Variants in ZNF574 observed in about 807,000 individuals in gnomAD.
ZNF574 encodes the protein zinc finger protein 574.
A neutral mutation model predicts 56.6 loss-of-function variants in ZNF574; 25 were observed. The observed-to-expected ratio is 0.44, with a 90% CI of 0.32 to 0.62. The LOEUF is 0.62. Ranked by LOEUF, ZNF574 falls within the 20% of genes least tolerant of loss-of-function variation. The pLI is 0.04. For synonymous variants in ZNF574, 543 were observed against 492.1 expected, an observed-to-expected ratio of 1.10 and a Z score of -1.37; for missense variants, 1,065 against 1,218.9, an observed-to-expected ratio of 0.87 and a Z score of 1.88.
rs777794460 is a variant in ZNF574, at chr19:42,081,204, C to T, written c.2598C>T (p.Ala866=). Residue 866 remains alanine, a synonymous_variant, in exon 2 of 2, where the codon GCC becomes GCT. Transcript: ENST00000359044. ...LAEAEAAVGL[A]VMETAVEALP... is the part of the protein sequence containing the mutation. ...AGGCGGAGGCTGCCGTTGGCCTGGCCGTCATGGAGACTGCTGTGGAGGCGC... is the reference window on the plus strand; with the variant it reads ...AGGCGGAGGCTGCCGTTGGCCTGGCTGTCATGGAGACTGCTGTGGAGGCGC... The T allele has an allele frequency of 4.3e-5, 69 of 1,614,100 alleles. No individual in the cohort carries two copies. Among genetic ancestry groups the T allele is most frequent in the Non-Finnish European group, 5.7e-5 (67 of 1,180,020 alleles).
Position 42,079,557 on chromosome 19 carries a change from CTT to C in ZNF574, c.953_954del (p.Phe318SerfsTer19), listed in dbSNP as rs2076481317. 6.2e-7 allele frequency: 1 copy of C among 1,614,006 alleles called. No individual in the cohort carries two copies. Among genetic ancestry groups the C allele is most frequent in the Non-Finnish European group, 8.5e-7 (1 of 1,180,032 alleles). The part of the protein sequence containing the change: ...ELFCSACDQL[F>X]LSPHQLQQHL... ...TCTTCTGCTCAGCCTGTGACCAGCT[CTT>C]TCTCTCACCCCACCAGCTACAGCAG... On this transcript the variant is annotated frameshift_variant, in exon 2 of 2. Transcript: ENST00000359044. LOFTEE classifies it high-confidence loss of function. This position sits in a 1 kb window ranked among gnomAD's most constrained non-coding sequence, Gnocchi z 4.3.
rs751372538 is a variant in ZNF574 at position 42,080,789 on chromosome 19, C to T, written c.2183C>T (p.Ser728Phe). The change falls in exon 2 of 2, where the codon TCC (serine) becomes TTC (phenylalanine). Residue 728 changes from serine (S) to phenylalanine (F), a missense_variant. Ser to Phe is a radical substitution (Grantham distance 155, BLOSUM62 -2). Transcript: ENST00000359044. The surrounding 1 kb of genome is among the most constrained non-coding windows in gnomAD (Gnocchi z 8.5). ...PAALGSTATASPAAPARRRGL... is the reference protein window; with the variant it reads ...PAALGSTATAFPAAPARRRGL... ...GCCCTTGGAAGCACTGCTACAGCAT[C>T]CCCTGCGGCCCCTGCCCGCCGCCGG... 1 of 1,614,040 alleles carries T rather than the reference C, an allele frequency of 6.2e-7. No individual in the cohort carries two copies. The highest frequency in any genetic ancestry group is 2.2e-5 in the East Asian group (1 of 44,882).
chr19:42,079,837 C>T lies in ZNF574; in HGVS notation c.1231C>T (p.Arg411Cys). Reference sequence around the variant, plus strand: ...CCTTACCAAGTTCCTTTATCACCGGCGTACTCATGGGGTAGGGGGTGTCCC... The same window carrying T: ...CCTTACCAAGTTCCTTTATCACCGGTGTACTCATGGGGTAGGGGGTGTCCC... ...VNLTKFLYHR[R>C]THGVGGVPLP... The change falls in exon 2 of 2, where the codon CGT (arginine) becomes TGT (cysteine). Residue 411 changes from arginine to cysteine, a missense_variant. Physicochemically the swap from Arg to Cys is radical, Grantham distance 180. Coordinates refer to ENST00000359044, the MANE Select transcript of ZNF574 (RefSeq NM_022752.6). The surrounding 1 kb of genome is among the most constrained non-coding windows in gnomAD (Gnocchi z 4.3). The T allele has an allele frequency of 4.3e-6, 7 of 1,614,154 alleles. No homozygotes were observed. Among genetic ancestry groups the T allele is most frequent in the Middle Eastern group, 1.6e-4 (1 of 6,062 alleles).
chr19:42,071,246 A>G (rs1005082755), upstream of ZNF574, among the ~76,000 whole-genome samples: 2 of 135,190 alleles, frequency 1.5e-5, no homozygotes, highest in Admixed American at 1.6e-4. Flanking sequence ...GGGATGGAAG[A>G]GAGAAGCGAC....
chr19:42,077,502 G>A (rs2076464236), intron 1 of ZNF574, among the ~76,000 whole-genome samples: 1 of 152,114 alleles, frequency 6.6e-6, no homozygotes, highest in African/African-American at 2.4e-5. Flanking sequence ...GATTTGAGGG[G>A]GGGCTCTGTT....
At position 42,079,296 on chromosome 19, in the gene ZNF574, G is replaced by A. The variant is rs1452903874; in HGVS notation, c.690G>A (p.Leu230=). ...TCTTCCAGCTGCCGGCGGATTTCCT[G>A]GAGCACCAGGCCACTCACTTCCCTG... The part of the protein sequence containing the change: ...SQLFQLPADF[L]EHQATHFPAP... The change falls in exon 2 of 2, where the codon CTG becomes CTA. Residue 230 remains leucine, a synonymous_variant. Transcript: ENST00000359044. This position sits in a 1 kb window ranked among gnomAD's most constrained non-coding sequence, Gnocchi z 4.3. 2 of 1,614,046 alleles carry A rather than the reference G, an allele frequency of 1.2e-6. No individual in the cohort carries two copies. Among genetic ancestry groups the A allele is most frequent in the African/African-American group, 1.3e-5 (1 of 75,066 alleles).
intron 1 of ZNF574, among the ~76,000 whole-genome samples, chr19:42,069,868 G>C (rs1403093157): frequency 6.6e-6 from 1 of 152,138 alleles, no homozygotes; most frequent in Non-Finnish European, 1.5e-5. Context: ...CCCGGGAGTG[G>C]AGAGCTGGGG....
In ZNF574 at chr19:42,079,569, C is replaced by G. The variant is rs778841816; in HGVS notation, c.963C>G (p.Pro321=). 1.2e-6 allele frequency: 2 copies of G among 1,614,134 alleles called. No individual in the cohort carries two copies. The highest frequency in any genetic ancestry group is 1.1e-5 in the South Asian group (1 of 91,086). The change falls in exon 2 of 2, where the codon CCC becomes CCG. Residue 321 remains proline, a synonymous_variant. Transcript: ENST00000359044. This position sits in a 1 kb window ranked among gnomAD's most constrained non-coding sequence, Gnocchi z 4.3. ...CCTGTGACCAGCTCTTTCTCTCACC[C>G]CACCAGCTACAGCAGCACCTGCGGA... The part of the protein sequence containing the change: ...CSACDQLFLS[P]HQLQQHLRSH...
Position 42,081,260 on chromosome 19 carries a change from C to T in ZNF574, c.2654C>T (p.Pro885Leu). The T allele has an allele frequency of 6.2e-7, 1 of 1,614,118 alleles. No individual in the cohort carries two copies. Among genetic ancestry groups the T allele is most frequent in the Non-Finnish European group, 8.5e-7 (1 of 1,180,018 alleles). ...CTGGTGGAAGCCATTGAGATCTACC[C>T]TCTGGCCGAGGCTGAGGGGGTCCAG... ...LPLVEAIEIY[P>L]LAEAEGVQIS... Residue 885 changes from proline (P) to leucine (L), a missense_variant, in exon 2 of 2, where the codon CCT becomes CTT. Coordinates refer to ENST00000359044, the MANE Select transcript of ZNF574 (RefSeq NM_022752.6).
At chr19:42,075,910 G>A (rs2076451916), upstream of ZNF574, among the ~76,000 whole-genome samples, 1 of 152,254 alleles carries the variant, frequency 6.6e-6, no homozygotes, top group Non-Finnish European at 1.5e-5. Context: ...AGGAGGAGGA[G>A]GAGCATCCTC....
Position 42,080,347 on chromosome 19 carries a change from T to C in ZNF574, c.1741T>C (p.Cys581Arg). 6.2e-7 allele frequency: 1 copy of C among 1,614,216 alleles called. No individual in the cohort carries two copies. The highest frequency in any genetic ancestry group is 8.5e-7 in the Non-Finnish European group (1 of 1,180,024). The change falls in exon 2 of 2, where the codon TGC (cysteine) becomes CGC (arginine). Residue 581 changes from cysteine to arginine, a missense_variant. By Grantham distance (180) the Cys-to-Arg change is radical. Coordinates refer to ENST00000359044, the MANE Select transcript of ZNF574 (RefSeq NM_022752.6). This position sits in a 1 kb window ranked among gnomAD's most constrained non-coding sequence, Gnocchi z 8.5. ...LVHAQHFPYR[C>R]QECGVRFHRP... ...GCATGCCCAGCACTTCCCCTACCGCTGCCAGGAATGTGGGGTGCGTTTTCA... is the reference window on the plus strand; with the variant it reads ...GCATGCCCAGCACTTCCCCTACCGCCGCCAGGAATGTGGGGTGCGTTTTCA...
In ZNF574 at chr19:42,081,442, A is replaced by T; in HGVS notation, c.*145A>T. 1 of 1,137,818 alleles carries T rather than the reference A, an allele frequency of 8.8e-7. No homozygotes were observed. The highest frequency in any genetic ancestry group is 1.3e-6 in the Non-Finnish European group (1 of 775,440). 70.5% of individuals were successfully genotyped at this position (1,137,818 alleles called of 1,614,324 possible). A position where few individuals can be genotyped will look rare whatever the true frequency, so the allele number is the denominator to read the frequency against. On this transcript the variant is annotated 3_prime_UTR_variant, in exon 2 of 2. Coordinates refer to ENST00000359044, the MANE Select transcript of ZNF574 (RefSeq NM_022752.6). The stretch of plus-strand genomic sequence containing the variant: ...TCTAAATTGGATTTATTCTCTCGTG[A>T]GGGGGGTGCTCTGGGGTCCTTGACA...
Position 42,078,900 on chromosome 19 carries a change from C to G in ZNF574, c.294C>G (p.His98Gln). ...PSQLLEHQEL[H>Q]LKMMAPQEAV... ...AGCTCCTGGAGCACCAGGAGCTGCA[C>G]CTGAAGATGATGGCACCCCAGGAGG... is the stretch of plus-strand genomic sequence containing the variant. The change falls in exon 2 of 2, where the codon CAC (histidine) becomes CAG (glutamine). Residue 98 changes from histidine to glutamine, a missense_variant. Transcript: ENST00000359044. 6.2e-7 allele frequency: 1 copy of G among 1,614,084 alleles called. No individual in the cohort carries two copies. The highest frequency in any genetic ancestry group is 1.1e-5 in the South Asian group (1 of 91,088).
At chr19:42,078,023 G>A (rs2076467634) in intron 1 of ZNF574, among the ~76,000 whole-genome samples, 2 of 152,078 alleles carry the variant, frequency 1.3e-5, no homozygotes, top group African/African-American at 4.8e-5. Flanking sequence ...GTGGCACCTT[G>A]TACAGTGCTG....
Position 42,081,041 on chromosome 19 carries a change from A to T in ZNF574, c.2435A>T (p.His812Leu). The T allele has an allele frequency of 6.2e-7, 1 of 1,614,164 alleles. No homozygotes were observed. The highest frequency in any genetic ancestry group is 2.2e-5 in the East Asian group (1 of 44,846). The change falls in exon 2 of 2, where the codon CAT (histidine) becomes CTT (leucine). Residue 812 changes from histidine (H) to leucine (L), a missense_variant. His to Leu is a moderately conservative substitution (Grantham distance 99). Coordinates refer to ENST00000359044, the MANE Select transcript of ZNF574 (RefSeq NM_022752.6). The stretch of plus-strand genomic sequence containing the variant: ...GCCATCTCCATGCGCCTGGCAGAAC[A>T]TCGCCGCATCCACACAGGCGAACGA... ...AFAISMRLAE[H>L]RRIHTGERPY...
Position 42,080,935 on chromosome 19 carries a change from C to CA in ZNF574, c.2330dup (p.Ser778GlufsTer14). 6.2e-7 allele frequency: 1 copy of CA among 1,613,828 alleles called. No homozygotes were observed. The highest frequency in any genetic ancestry group is 8.5e-7 in the Non-Finnish European group (1 of 1,179,952). On this transcript the variant is annotated frameshift_variant, in exon 2 of 2. Transcript: ENST00000359044. LOFTEE classifies it high-confidence loss of function. This position sits in a 1 kb window ranked among gnomAD's most constrained non-coding sequence, Gnocchi z 8.5. ...TCCAGACTGTGGCAAAGCGTTCCGT[C>CA]AGAGTACCCACCTGAAAGACCACCG...
chr19:42,076,407 G>A (rs1268905702), intron 1 of ZNF574, 121 bp downstream of exon 1: 1 of 151,968 alleles, frequency 6.6e-6, no homozygotes, highest in Non-Finnish European at 1.5e-5. Context: ...AGTTAGGGCG[G>A]AGCGGCACCA....
chr19:42,068,774 A>G (rs1444053203), exon 1 of ZNF574: 2 of 556,728 alleles, frequency 3.6e-6, no homozygotes, highest in Non-Finnish European at 6.5e-6. Flanking sequence ...AGAGGGGCCC[A>G]AGAGACACAG....
upstream of ZNF574, among the ~76,000 whole-genome samples, chr19:42,075,778 C>A (rs948249509): frequency 3.1e-5 from 4 of 127,196 alleles, no homozygotes; most frequent in African/African-American, 5.0e-5. Flanking sequence ...CTCTCCCTGT[C>A]CCCAACGCTG....
Sources: gnomAD v4.1 joint callset for allele counts (sites outside exome capture counted in the v4.1 genomes callset) on GRCh38, gnomAD v4.1.1 for gene constraint, Gnocchi (gnomAD v3.1) non-coding constraint, MANE v1.5 for transcripts, NCBI Gene and HGNC (gene_info 2026-07-23, HGNC 2026-07-21) for gene names.